The following KLF15 variants were observed in gnomAD, a reference collection of about 807,000 sequenced individuals.
KLF15 encodes Krueppel-like factor 15.
A neutral mutation model predicts 24.6 loss-of-function variants in KLF15; 4 were observed. The ratio of observed to expected loss-of-function variants is 0.16; its 90% CI spans 0.08 to 0.37. KLF15 has a LOEUF of 0.37. Ranked by LOEUF, KLF15 falls within the 10% of genes least tolerant of loss-of-function variation. The probability of loss-of-function intolerance (pLI) is 1.00; values close to 1 mark genes in which losing one functional copy is unlikely to be tolerated. For missense variants in KLF15, 496 were observed against 560.6 expected, an observed-to-expected ratio of 0.88 and a Z score of 1.16; for synonymous variants, 246 against 236.3, an observed-to-expected ratio of 1.04 and a Z score of -0.37.
intron 2 of KLF15, among the ~76,000 whole-genome samples, chr3:126,346,679 C>T (rs1560037715): frequency 6.6e-6 from 1 of 152,148 alleles, no homozygotes; most frequent in Non-Finnish European, 1.5e-5. Context: ...GGTCCTGGCA[C>T]CTGAGAGGAA....
chr3:126,317,604 G>A, the KLF15 span, among the ~76,000 whole-genome samples: 5,603 of 152,140 alleles, frequency 0.037, 268 homozygotes, highest in African/African-American at 0.11. Context: ...TGCGCACCCC[G>A]GAGTGCGGGC....
chr3:126,348,847 C>G (rs2082558674), intron 2 of KLF15, among the ~76,000 whole-genome samples: 1 of 152,124 alleles, frequency 6.6e-6, no homozygotes, highest in Admixed American at 6.5e-5. Flanking sequence ...TGAAGCACAG[C>G]AAAGTACACT....
chr3:126,322,455 C>T, the KLF15 span, among the ~76,000 whole-genome samples: 1 of 152,288 alleles, frequency 6.6e-6, no homozygotes, highest in Middle Eastern at 3.4e-3. Context: ...CTGACCTCTT[C>T]TTCGGTCCTC....
At chr3:126,331,255 G>T in the KLF15 span, among the ~76,000 whole-genome samples, 1 of 152,138 alleles carries the variant, frequency 6.6e-6, no homozygotes, top group Non-Finnish European at 1.5e-5. Context: ...GGTATAAGTC[G>T]CAGGCATCTG....
chr3:126,317,878 C>T, the KLF15 span, among the ~76,000 whole-genome samples: 2 of 152,178 alleles, frequency 1.3e-5, no homozygotes, highest in African/African-American at 2.4e-5. Flanking sequence ...CGGTCGGATT[C>T]TTCTGAGGAG....
downstream of KLF15, among the ~76,000 whole-genome samples, chr3:126,339,295 A>T (rs2082461948): frequency 6.6e-6 from 1 of 152,042 alleles, no homozygotes; most frequent in Non-Finnish European, 1.5e-5. Context: ...TCCCATGTGG[A>T]TTTTAACTCT....
At chr3:126,339,009 G>A (rs1398005289), downstream of KLF15, among the ~76,000 whole-genome samples, 2 of 152,242 alleles carry the variant, frequency 1.3e-5, no homozygotes, top group Non-Finnish European at 2.9e-5. Context: ...AGTGCTGGGT[G>A]TGGATATGTC....
the KLF15 span, among the ~76,000 whole-genome samples, chr3:126,316,496 G>T: frequency 6.7e-6 from 1 of 149,748 alleles, no homozygotes; most frequent in Non-Finnish European, 1.5e-5. Context: ...AGGCCGGAGT[G>T]GGACTGGGAG....
At chr3:126,329,980 C>T in the KLF15 span, among the ~76,000 whole-genome samples, 1 of 152,086 alleles carries the variant, frequency 6.6e-6, no homozygotes. Flanking sequence ...CCTCATTCAT[C>T]CACACCCTCT....
chr3:126,327,552 C>A, the KLF15 span, among the ~76,000 whole-genome samples: 3 of 152,072 alleles, frequency 2.0e-5, 1 homozygote, highest in African/African-American at 7.2e-5. Context: ...CAGGACAAAG[C>A]AGAAGACACT....
At chr3:126,306,140 A>T in the KLF15 span, among the ~76,000 whole-genome samples, 2 of 152,264 alleles carry the variant, frequency 1.3e-5, no homozygotes, top group Admixed American at 6.5e-5. Context: ...CATGCATCGT[A>T]CTGAGGAGAC....
At chr3:126,355,476 A>G (rs1347168960) in intron 1 of KLF15, among the ~76,000 whole-genome samples, 1 of 152,140 alleles carries the variant, frequency 6.6e-6, no homozygotes, top group Non-Finnish European at 1.5e-5. Flanking sequence ...CCAGCACTGC[A>G]GGTGGGAGCT....
chr3:126,306,107 G>A, the KLF15 span, among the ~76,000 whole-genome samples: 1 of 152,278 alleles, frequency 6.6e-6, no homozygotes, highest in Admixed American at 6.5e-5. Context: ...CAGATGCTCA[G>A]TTTTCCGAAG....
the KLF15 span, among the ~76,000 whole-genome samples, chr3:126,312,581 G>A: frequency 4.6e-5 from 7 of 152,176 alleles, no homozygotes; most frequent in East Asian, 1.9e-4. Flanking sequence ...ACCCAGCAAT[G>A]CGCTAAGTGC....
At chr3:126,303,974 T>C in the KLF15 span, among the ~76,000 whole-genome samples, 1 of 152,344 alleles carries the variant, frequency 6.6e-6, no homozygotes, top group East Asian at 1.9e-4. Context: ...TACTTGAGCT[T>C]TTATACATAT....
the KLF15 span, among the ~76,000 whole-genome samples, chr3:126,315,023 T>C: frequency 1.3e-5 from 2 of 152,074 alleles, no homozygotes; most frequent in African/African-American, 4.8e-5. Context: ...GATGTCTGCT[T>C]CTGAGATAGC....
intron 2 of KLF15, among the ~76,000 whole-genome samples, chr3:126,350,790 A>G (rs940920175): frequency 6.6e-6 from 1 of 152,248 alleles, no homozygotes; most frequent in African/African-American, 2.4e-5. Context: ...GTGTGCACAC[A>G]CACAGCCACA....
chr3:126,322,408 C>T, the KLF15 span, among the ~76,000 whole-genome samples: 1 of 152,178 alleles, frequency 6.6e-6, no homozygotes, highest in Admixed American at 6.5e-5. Context: ...CTCTTCCATC[C>T]TCAGAGCCAC....
At chr3:126,338,417 G>A (rs942537944), downstream of KLF15, among the ~76,000 whole-genome samples, 2 of 152,214 alleles carry the variant, frequency 1.3e-5, no homozygotes, top group Non-Finnish European at 2.9e-5. Context: ...GGTGACGTTC[G>A]TGCATTTAAA....
Sources: gnomAD v4.1 joint callset for allele counts (sites outside exome capture counted in the v4.1 genomes callset) on GRCh38, gnomAD v4.1.1 for gene constraint, MANE v1.5 for transcripts, NCBI Gene and HGNC (gene_info 2026-07-23, HGNC 2026-07-21) for gene names.